MECOM: variants seen among roughly 807,000 people sequenced by gnomAD.
The protein encoded by MECOM is MDS1 and EVI1 complex locus.
A neutral mutation model predicts 116.3 loss-of-function variants in MECOM; 13 were observed. The ratio of observed to expected loss-of-function variants is 0.11; its 90% CI spans 0.07 to 0.18. The LOEUF (loss-of-function observed/expected upper bound fraction) is 0.18, where lower values mean the gene tolerates loss of function less well. Among genes scored for constraint, MECOM ranks in the 10% least tolerant of loss-of-function variants. The probability of loss-of-function intolerance (pLI) is 1.00; values close to 1 mark genes in which losing one functional copy is unlikely to be tolerated. For synonymous variants in MECOM, 528 were observed against 535.2 expected (o/e 0.99, Z 0.19); for missense variants, 1,299 against 1,509.0 (o/e 0.86, Z 2.31).
intron 1 of MECOM, among the ~76,000 whole-genome samples, chr3:169,558,073 TG>T (rs1190136096): frequency 6.6e-6 from 1 of 152,200 alleles, no homozygotes; most frequent in Non-Finnish European, 1.5e-5. Context: ...TGATTCCACT[TG>T]TGCCATTTGC....
Position 169,084,197 on chromosome 3 carries a change from A to G in MECOM, c.*712T>C, listed in dbSNP as rs1028066669. ...TGTCTAAAATTAAGATGTTATTACA[A>G]GGATTTGGCAAACAATTTATTAGTG... On this transcript the variant is annotated 3_prime_UTR_variant, in exon 17 of 17. Transcript: ENST00000651503. 1.7e-5 allele frequency: 4 copies of G among 232,072 alleles called. No homozygotes were observed. Among genetic ancestry groups the G allele is most frequent in the African/African-American group, 8.8e-5 (4 of 45,336 alleles). The allele number at this position is 232,072 out of a possible 1,614,324, so 14.4% of individuals were successfully genotyped here. A position where few individuals can be genotyped will look rare whatever the true frequency, so the allele number is the denominator to read the frequency against.
chr3:169,085,908 A>G (rs930382538), intron 16 of MECOM, among the ~76,000 whole-genome samples: 1 of 152,240 alleles, frequency 6.6e-6, no homozygotes, highest in East Asian at 1.9e-4. Context: ...TTGATTTGCT[A>G]TTGTTGGTCT....
chr3:169,641,186 A>C (rs6444870), intron 1 of MECOM, among the ~76,000 whole-genome samples: 72,409 of 152,014 alleles, frequency 0.48, 17,909 homozygotes, highest in African/African-American at 0.6. Flanking sequence ...AAAACCCAGA[A>C]CAGAGCAAGA....
At chr3:169,355,525 A>T (rs1257269163) in intron 2 of MECOM, among the ~76,000 whole-genome samples, 1 of 151,990 alleles carries the variant, frequency 6.6e-6, no homozygotes, top group African/African-American at 2.4e-5. Flanking sequence ...GGTAAAAAAC[A>T]ACCAATTATT....
chr3:169,118,025 A>C (rs1729744722), intron 7 of MECOM, among the ~76,000 whole-genome samples: 1 of 152,228 alleles, frequency 6.6e-6, no homozygotes, highest in Non-Finnish European at 1.5e-5. Context: ...GACAAAATGC[A>C]ACAGTTATTG....
At chr3:169,357,752 G>T (rs540478724) in intron 2 of MECOM, among the ~76,000 whole-genome samples, 17 of 151,814 alleles carry the variant, frequency 1.1e-4, no homozygotes, top group African/African-American at 3.9e-4. Context: ...TAGGTAAAAG[G>T]AGTTACACTG....
Position 169,221,343 on chromosome 3 carries a change from T to G in MECOM, c.376-77511A>C, listed in dbSNP as rs182539143. ...GTCATTAATGGTTATTTTTAAATAC[T>G]TCGGTAACATTTTGGAGTAAACTCA... is the stretch of plus-strand genomic sequence containing the variant. On this transcript the variant is annotated intron_variant, in intron 2 of 16. Transcript: ENST00000651503. 2.5e-3 allele frequency among the ~76,000 whole-genome samples: 378 copies of G among 152,316 alleles called. 1 individual carries two copies. The highest frequency in any genetic ancestry group is 8.6e-3 in the African/African-American group (357 of 41,554).
intron 1 of MECOM, among the ~76,000 whole-genome samples, chr3:169,599,210 TA>T (rs1290901923): frequency 1.3e-5 from 2 of 152,186 alleles, no homozygotes; most frequent in Non-Finnish European, 2.9e-5. Context: ...AGCCACAGTT[TA>T]AAGTGTGTCC....
At chr3:169,487,954 T>C (rs772784160) in intron 1 of MECOM, among the ~76,000 whole-genome samples, 2 of 152,148 alleles carry the variant, frequency 1.3e-5, no homozygotes, top group Non-Finnish European at 2.9e-5. Context: ...AGGAAAACTT[T>C]ACCAGGGAGA....
chr3:169,538,601 G>A (rs1204128267), intron 1 of MECOM, among the ~76,000 whole-genome samples: 3 of 152,096 alleles, frequency 2.0e-5, no homozygotes, highest in African/African-American at 4.8e-5. Flanking sequence ...AACTGAATTC[G>A]AATCACAATC....
intron 2 of MECOM, among the ~76,000 whole-genome samples, chr3:169,284,514 C>T (rs773454719): frequency 2.8e-4 from 43 of 151,976 alleles, no homozygotes; most frequent in Non-Finnish European, 4.3e-4. Flanking sequence ...TCTTAAATTT[C>T]AAATAGGCCC....
chr3:169,292,876 T>C (rs914348496), intron 2 of MECOM, among the ~76,000 whole-genome samples: 3 of 152,182 alleles, frequency 2.0e-5, no homozygotes, highest in Admixed American at 1.3e-4. Context: ...GGCATTCTAA[T>C]GATTTCCATT....
intron 1 of MECOM, among the ~76,000 whole-genome samples, chr3:169,387,094 T>C (rs1733464103): frequency 6.6e-6 from 1 of 152,174 alleles, no homozygotes; most frequent in South Asian, 2.1e-4. Context: ...TTTTTTAACT[T>C]TTATGGAACT....
chr3:169,630,588 GACTACA>G (rs1046560191), intron 1 of MECOM, among the ~76,000 whole-genome samples: 11 of 152,002 alleles, frequency 7.2e-5, no homozygotes, highest in African/African-American at 2.7e-4. Flanking sequence ...GAGCAGCTAA[GACTACA>G]GGTACACACC....
chr3:169,223,402 T>C (rs1399446134), intron 2 of MECOM, among the ~76,000 whole-genome samples: 4 of 150,996 alleles, frequency 2.6e-5, no homozygotes, highest in Admixed American at 2.6e-4. Flanking sequence ...TTTCTGTCCT[T>C]GTGATAGTTT....
chr3:169,518,872 CTT>C (rs1757022396), intron 1 of MECOM, among the ~76,000 whole-genome samples: 1 of 152,160 alleles, frequency 6.6e-6, no homozygotes, highest in African/African-American at 2.4e-5. Context: ...CTCTCTCTCT[CTT>C]TGTCTGCTGC....
intron 1 of MECOM, among the ~76,000 whole-genome samples, chr3:169,493,723 T>C (rs999252578): frequency 2.6e-5 from 4 of 152,088 alleles, no homozygotes; most frequent in East Asian, 3.9e-4. Context: ...TGACACTTTA[T>C]GAATAGGGAA....
chr3:169,290,162 AAATCCCT>A (rs1209638918), intron 2 of MECOM, among the ~76,000 whole-genome samples: 1 of 152,208 alleles, frequency 6.6e-6, no homozygotes, highest in Non-Finnish European at 1.5e-5. Context: ...TCCCAAAAAA[AAATCCCT>A]TAGAAAAGAC....
At chr3:169,308,761 C>T (rs1318100475) in intron 2 of MECOM, among the ~76,000 whole-genome samples, 1 of 152,090 alleles carries the variant, frequency 6.6e-6, no homozygotes, top group African/African-American at 2.4e-5. Context: ...TTCTTCTTTC[C>T]TTTTTAAAAA....
Sources: gnomAD v4.1 joint callset for allele counts (sites outside exome capture counted in the v4.1 genomes callset) on GRCh38, gnomAD v4.1.1 for gene constraint, MANE v1.5 for transcripts, NCBI Gene and HGNC (gene_info 2026-07-23, HGNC 2026-07-21) for gene names.